The following PDE11A variants were observed in gnomAD, a reference collection of about 807,000 sequenced individuals.
PDE11A encodes phosphodiesterase 11A.
PDE11A carries 100 observed loss-of-function variants against 100.5 expected under a neutral mutation model. That is an observed-to-expected ratio of 1.00 (90% confidence interval 0.85 to 1.18). The LOEUF is 1.18. Among genes scored for constraint, PDE11A ranks in the 50% most tolerant of loss-of-function variants. The pLI is 0.00. For synonymous variants in PDE11A, 381 were observed against 420.8 expected, an observed-to-expected ratio of 0.91 and a Z score of 1.16; for missense variants, 1,141 against 1,152.6, an observed-to-expected ratio of 0.99 and a Z score of 0.15.
intron 5 of PDE11A, among the ~76,000 whole-genome samples, chr2:177,845,229 C>T (rs2083566130): frequency 6.6e-6 from 1 of 151,544 alleles, no homozygotes; most frequent in African/African-American, 2.4e-5. Flanking sequence ...TCCTCACTTC[C>T]CAGATGGGGT....
intron 2 of PDE11A, among the ~76,000 whole-genome samples, chr2:178,084,534 C>A (rs1166722112): frequency 2.6e-5 from 4 of 152,132 alleles, no homozygotes; most frequent in East Asian, 1.9e-4. Context: ...GTTTCGCAAG[C>A]CAGAATGCAG....
At chr2:177,721,601 CTAACAA>C (rs893433730) in intron 12 of PDE11A, among the ~76,000 whole-genome samples, 18 of 152,058 alleles carry the variant, frequency 1.2e-4, no homozygotes, top group Admixed American at 1.1e-3. Flanking sequence ...GCTTTCAACC[CTAACAA>C]TATTTGTGCT....
intron 18 of PDE11A, among the ~76,000 whole-genome samples, chr2:177,664,821 A>G (rs1289444768): frequency 6.6e-6 from 1 of 152,136 alleles, no homozygotes; most frequent in Non-Finnish European, 1.5e-5. Flanking sequence ...AATGTTATAT[A>G]GTAAGTTTTA....
At chr2:177,680,328 G>C (rs1299225650) in intron 16 of PDE11A, among the ~76,000 whole-genome samples, 1 of 152,166 alleles carries the variant, frequency 6.6e-6, no homozygotes, top group Non-Finnish European at 1.5e-5. Context: ...AACAGAGTGG[G>C]TTGCTACTGT....
rs554215796 is a variant in PDE11A, at chr2:177,711,474, A to G, written c.2153+295T>C. On this transcript the variant is annotated intron_variant, in intron 13 of 19. Transcript: ENST00000286063. ...AAGTCCAAGAAGCTTATAACGCCATAAAGGCAAATATTCTGGGAGGAAAAA... is the reference window on the plus strand; with the variant it reads ...AAGTCCAAGAAGCTTATAACGCCATGAAGGCAAATATTCTGGGAGGAAAAA... 2.6e-5 allele frequency among the ~76,000 whole-genome samples: 4 copies of G among 152,352 alleles called. No homozygotes were observed. The South Asian group carries it at 8.3e-4, about 32-fold the overall frequency.
intron 5 of PDE11A, among the ~76,000 whole-genome samples, chr2:177,845,910 C>T (rs1322812168): frequency 6.6e-6 from 1 of 151,940 alleles, no homozygotes; most frequent in Non-Finnish European, 1.5e-5. Context: ...ATCGCAGGCA[C>T]TCGGCAGGCT....
chr2:177,701,019 A>G, intron 14 of PDE11A, 102 bp downstream of exon 14: 1 of 764,714 alleles, frequency 1.3e-6, no homozygotes, highest in Admixed American at 1.9e-5. Context: ...TGGTTTTCCC[A>G]CTGCTTTGTG....
intron 5 of PDE11A, among the ~76,000 whole-genome samples, chr2:177,841,114 A>G (rs568271409): frequency 6.6e-6 from 1 of 152,208 alleles, no homozygotes; most frequent in Non-Finnish European, 1.5e-5. Context: ...TGATTTTTTG[A>G]ACTTTCCCTT....
intron 5 of PDE11A, among the ~76,000 whole-genome samples, chr2:177,869,307 T>C (rs1019249086): frequency 2.6e-5 from 4 of 152,244 alleles, no homozygotes; most frequent in South Asian, 2.1e-4. Flanking sequence ...TTGACAGAGC[T>C]ATATTCCTCT....
chr2:177,740,369 G>A (rs1004474465), intron 10 of PDE11A, among the ~76,000 whole-genome samples: 2 of 152,206 alleles, frequency 1.3e-5, no homozygotes, highest in Admixed American at 1.3e-4. Context: ...GTGCTGGGTG[G>A]AACACGCATT....
At chr2:177,901,387 G>A (rs572373292) in intron 3 of PDE11A, among the ~76,000 whole-genome samples, 1 of 152,284 alleles carries the variant, frequency 6.6e-6, no homozygotes, top group African/African-American at 2.4e-5. Context: ...CTCTGATCCA[G>A]GGAGACTGAT....
chr2:178,079,444 T>A lies in PDE11A; in HGVS notation c.162+24858A>T, dbSNP rs181547828. Among the ~76,000 whole-genome samples the A allele has an allele frequency of 9.8e-5, 15 of 152,324 alleles. No individual in the cohort carries two copies. In the East Asian group the frequency reaches 2.9e-3, roughly 29 times the overall value. On this transcript the variant is annotated intron_variant, in intron 2 of 20. Coordinates refer to the PDE11A transcript ENST00000358450. Reference sequence around the variant, plus strand: ...CTGAGGATAATGGCTTCCAGCTCCATTGATGTCTCTGCAAAGTACATGATC... The same window carrying A: ...CTGAGGATAATGGCTTCCAGCTCCAATGATGTCTCTGCAAAGTACATGATC...
intron 1 of PDE11A, among the ~76,000 whole-genome samples, chr2:178,051,185 G>C (rs1485807709): frequency 1.3e-5 from 2 of 152,230 alleles, no homozygotes; most frequent in African/African-American, 4.8e-5. Flanking sequence ...AGCCAGAAGA[G>C]AGTGGGGGCC....
intron 2 of PDE11A, among the ~76,000 whole-genome samples, chr2:177,950,002 A>G (rs1209217805): frequency 7.5e-6 from 1 of 133,128 alleles, no homozygotes; most frequent in Non-Finnish European, 1.8e-5. Context: ...AGAACATGAT[A>G]TAACAGTTTG....
chr2:178,068,095 GA>G (rs2087072682), intron 1 of PDE11A, among the ~76,000 whole-genome samples: 1 of 152,072 alleles, frequency 6.6e-6, no homozygotes, highest in Non-Finnish European at 1.5e-5. Flanking sequence ...CCTGTTACTT[GA>G]ATGCTCTTAT....
intron 2 of PDE11A, among the ~76,000 whole-genome samples, chr2:177,905,873 GTCC>G (rs2084777924): frequency 6.6e-6 from 1 of 152,268 alleles, no homozygotes; most frequent in Admixed American, 6.5e-5. Context: ...TAATGGAGAA[GTCC>G]TCCTATGGGC....
intron 16 of PDE11A, among the ~76,000 whole-genome samples, chr2:177,677,174 C>T (rs2080788987): frequency 6.6e-6 from 1 of 152,166 alleles, no homozygotes. Context: ...AGTTGATCAA[C>T]AAGTTTATTG....
At position 177,633,419 on chromosome 2, in the gene PDE11A, G is replaced by A. The variant is rs540517936; in HGVS notation, c.2647-3857C>T. On this transcript the variant is annotated intron_variant, in intron 19 of 19. Coordinates refer to ENST00000286063, the MANE Select transcript of PDE11A (RefSeq NM_016953.4). ...CTCAAATAATCCTCTGCTCCAGGGAGTTATATGAATATGAGTAAAATGTAA... is the reference window on the plus strand; with the variant it reads ...CTCAAATAATCCTCTGCTCCAGGGAATTATATGAATATGAGTAAAATGTAA... 9.4e-4 allele frequency among the ~76,000 whole-genome samples: 143 copies of A among 152,300 alleles called. 1 individual carries two copies. The highest frequency in any genetic ancestry group is 3.3e-3 in the African/African-American group (138 of 41,552).
In PDE11A at chr2:177,819,866, C is replaced by T. The variant is rs113274650; in HGVS notation, c.1576+354G>A. Among the ~76,000 whole-genome samples, 511 of 83,988 alleles carry T rather than the reference C, an allele frequency of 6.1e-3. 4 individuals are homozygous for T. Among genetic ancestry groups the T allele is most frequent in the African/African-American group, 0.011 (184 of 17,126 alleles). 55.1% of individuals were successfully genotyped at this position (83,988 alleles called of 152,430 possible). Reference sequence around the variant, plus strand: ...GTCATTTCTCTTTCTCTCTTTCTCTCTTTCTCTCTCTCTCTCTCTCTCTCT... The same window carrying T: ...GTCATTTCTCTTTCTCTCTTTCTCTTTTTCTCTCTCTCTCTCTCTCTCTCT... On this transcript the variant is annotated intron_variant, in intron 7 of 19. Transcript: ENST00000286063.
Sources: gnomAD v4.1 joint callset for allele counts (sites outside exome capture counted in the v4.1 genomes callset) on GRCh38, gnomAD v4.1.1 for gene constraint, MANE v1.5 for transcripts, NCBI Gene and HGNC (gene_info 2026-07-23, HGNC 2026-07-21) for gene names.